Variants in ADGRL3 observed in about 807,000 individuals in gnomAD.
ADGRL3 encodes adhesion G protein-coupled receptor L3.
Under a neutral mutation model 153.5 loss-of-function variants are expected in ADGRL3, and 62 were observed. That is an observed-to-expected ratio of 0.40 (90% CI 0.33 to 0.50). The LOEUF (loss-of-function observed/expected upper bound fraction) is 0.50, where lower values mean the gene tolerates loss of function less well. Among genes scored for constraint, ADGRL3 ranks in the 20% least tolerant of loss-of-function variants. The pLI is 0.47. For synonymous variants in ADGRL3, 710 were observed against 672.5 expected (o/e 1.06, Z -0.86); for missense variants, 1,641 against 1,859.4 (o/e 0.88, Z 2.16).
At chr4:61,215,849 G>T (rs1292804762) in intron 1 of ADGRL3, among the ~76,000 whole-genome samples, 6 of 152,098 alleles carry the variant, frequency 3.9e-5, no homozygotes, top group Non-Finnish European at 8.8e-5. Flanking sequence ...ACCGCGCTCG[G>T]CCTGGAATTT....
chr4:61,952,710 CA>C (rs1463546878), intron 17 of ADGRL3, among the ~76,000 whole-genome samples: 1 of 152,082 alleles, frequency 6.6e-6, no homozygotes, highest in Non-Finnish European at 1.5e-5. Flanking sequence ...TATATATTAA[CA>C]AGTAATAGAT....
chr4:61,370,360 G>A (rs1447531950), intron 1 of ADGRL3, among the ~76,000 whole-genome samples: 1 of 151,054 alleles, frequency 6.6e-6, no homozygotes, highest in Admixed American at 6.6e-5. Flanking sequence ...TTCTCTTGTG[G>A]GCATGTAGTG....
chr4:61,921,313 C>G (rs2098768034), intron 13 of ADGRL3, among the ~76,000 whole-genome samples: 1 of 152,104 alleles, frequency 6.6e-6, no homozygotes, highest in Non-Finnish European at 1.5e-5. Context: ...ACGCCACTGA[C>G]ATTTTTGTCT....
At chr4:61,762,292 C>A (rs1322295755) in intron 8 of ADGRL3, among the ~76,000 whole-genome samples, 1 of 152,030 alleles carries the variant, frequency 6.6e-6, no homozygotes, top group Non-Finnish European at 1.5e-5. Context: ...CATATAAATA[C>A]AACTTAAAGA....
chr4:61,362,632 TG>T (rs2096305654), intron 1 of ADGRL3, among the ~76,000 whole-genome samples: 1 of 152,076 alleles, frequency 6.6e-6, no homozygotes, highest in Non-Finnish European at 1.5e-5. Flanking sequence ...AGATAATAAA[TG>T]TACTGATTAT....
At chr4:61,378,909 G>A (rs982236445) in intron 1 of ADGRL3, among the ~76,000 whole-genome samples, 9 of 151,930 alleles carry the variant, frequency 5.9e-5, no homozygotes, top group Non-Finnish European at 1.3e-4. Flanking sequence ...GTGGCAGGTG[G>A]TTGAACGAAG....
At chr4:61,425,103 G>A (rs2097260237) in intron 2 of ADGRL3, among the ~76,000 whole-genome samples, 1 of 152,146 alleles carries the variant, frequency 6.6e-6, no homozygotes, top group Non-Finnish European at 1.5e-5. Flanking sequence ...CACCCTTGGT[G>A]TGGTGATATA....
At chr4:61,979,476 A>G in intron 17 of ADGRL3, 87 bp from the exon 18 acceptor site, 2 of 1,049,184 alleles carry the variant, frequency 1.9e-6, no homozygotes, top group South Asian at 1.3e-5. Flanking sequence ...CATTATTACT[A>G]TCATGCTTTG....
intron 5 of ADGRL3, among the ~76,000 whole-genome samples, chr4:61,630,098 T>G (rs115484393): frequency 1.4e-3 from 209 of 152,272 alleles, no homozygotes; most frequent in African/African-American, 4.3e-3. Flanking sequence ...AATCAGCACT[T>G]CAAAGTTATT....
chr4:61,917,203 C>T (rs765006129), intron 13 of ADGRL3, among the ~76,000 whole-genome samples: 1 of 152,108 alleles, frequency 6.6e-6, no homozygotes, highest in Non-Finnish European at 1.5e-5. Context: ...AGAGGCGTGT[C>T]CTCCTAATCT....
chr4:61,870,386 T>C (rs2098436760), intron 9 of ADGRL3, among the ~76,000 whole-genome samples: 1 of 152,164 alleles, frequency 6.6e-6, no homozygotes, highest in African/African-American at 2.4e-5. Context: ...TTCTTGACCT[T>C]GGATTAAGCA....
At chr4:61,481,717 A>G (rs2098133650) in intron 2 of ADGRL3, among the ~76,000 whole-genome samples, 1 of 152,042 alleles carries the variant, frequency 6.6e-6, no homozygotes, top group African/African-American at 2.4e-5. Flanking sequence ...ATAAAATAAG[A>G]TATACTATAG....
chr4:61,530,422 A>G (rs1411613156), intron 4 of ADGRL3, among the ~76,000 whole-genome samples: 2 of 151,790 alleles, frequency 1.3e-5, no homozygotes, highest in Non-Finnish European at 2.9e-5. Context: ...GAGTATATGG[A>G]TATTTGAACT....
chr4:61,491,025 A>G (rs140600067), intron 2 of ADGRL3, among the ~76,000 whole-genome samples: 4 of 152,258 alleles, frequency 2.6e-5, no homozygotes, highest in East Asian at 3.9e-4. Context: ...AATGATGATC[A>G]TACCAAATAT....
intron 5 of ADGRL3, among the ~76,000 whole-genome samples, chr4:61,672,367 T>C (rs2095037971): frequency 6.6e-6 from 1 of 151,934 alleles, no homozygotes; most frequent in Non-Finnish European, 1.5e-5. Flanking sequence ...ACCATAAACA[T>C]GTGGATTAAT....
rs1473011395 is a variant in ADGRL3, at chr4:61,909,686, G to T, written c.2014G>T (p.Val672Leu). The change falls in exon 12 of 27, where the codon GTA (valine) becomes TTA (leucine). Residue 672 changes from valine (V) to leucine (L), a missense_variant. Transcript: ENST00000683033. Reference sequence around the variant, plus strand: ...GGACCAGCTGGTAGGCCTCCTAGATGTACAGCTTCGGAACTTGACCCCAGG... The same window carrying T: ...GGACCAGCTGGTAGGCCTCCTAGATTTACAGCTTCGGAACTTGACCCCAGG... ...AMDQLVGLLD[V>L]QLRNLTPGGK... 1 of 1,597,780 alleles carries T rather than the reference G, an allele frequency of 6.3e-7. No individual in the cohort carries two copies. Among genetic ancestry groups the T allele is most frequent in the Non-Finnish European group, 8.5e-7 (1 of 1,171,716 alleles).
chr4:61,409,376 A>G (rs2097054683), intron 2 of ADGRL3, among the ~76,000 whole-genome samples: 1 of 124,172 alleles, frequency 8.1e-6, no homozygotes, highest in Non-Finnish European at 1.7e-5. Flanking sequence ...TATATAAGAC[A>G]TATATTATAT....
intron 1 of ADGRL3, among the ~76,000 whole-genome samples, chr4:61,324,575 T>C (rs2095428215): frequency 6.6e-6 from 1 of 152,182 alleles, no homozygotes; most frequent in Non-Finnish European, 1.5e-5. Context: ...GATTATAAAA[T>C]TGACTTCATA....
chr4:61,497,186 G>T lies in ADGRL3; in HGVS notation c.-108G>T. 1 of 652,708 alleles carries T rather than the reference G, an allele frequency of 1.5e-6. No homozygotes were observed. The highest frequency in any genetic ancestry group is 2.6e-6 in the Non-Finnish European group (1 of 387,416). The allele number at this position is 652,708 out of a possible 1,614,324, so 40.4% of individuals were successfully genotyped here. A position where few individuals can be genotyped will look rare whatever the true frequency, so the allele number is the denominator to read the frequency against. On this transcript the variant is annotated 5_prime_UTR_variant, in exon 3 of 27. Coordinates refer to ENST00000683033, the MANE Select transcript of ADGRL3 (RefSeq NM_001387552.1). ...TTATTCTTTTTCTTTTTAATTTGAA[G>T]AAAAATCATCAGTCTTGGAATACAG...
Sources: gnomAD v4.1 joint callset for allele counts (sites outside exome capture counted in the v4.1 genomes callset) on GRCh38, gnomAD v4.1.1 for gene constraint, MANE v1.5 for transcripts, NCBI Gene and HGNC (gene_info 2026-07-23, HGNC 2026-07-21) for gene names.